TRPC3: variants seen among roughly 807,000 people sequenced by gnomAD.
TRPC3 encodes transient receptor potential cation channel subfamily C member 3.
Under a neutral mutation model 90.9 loss-of-function variants are expected in TRPC3, and 54 were observed. The ratio of observed to expected loss-of-function variants is 0.59; its 90% CI spans 0.48 to 0.75. The LOEUF (loss-of-function observed/expected upper bound fraction) is 0.75, where lower values mean the gene tolerates loss of function less well. TRPC3 is among the 30% of genes least tolerant of loss of function. The pLI is 0.00. For missense variants in TRPC3, 918 were observed against 1,194.5 expected, an observed-to-expected ratio of 0.77 and a Z score of 3.41; for synonymous variants, 424 against 450.9, an observed-to-expected ratio of 0.94 and a Z score of 0.75.
intron 10 of TRPC3, among the ~76,000 whole-genome samples, chr4:121,887,890 A>T (rs1728184435): frequency 6.6e-6 from 1 of 152,212 alleles, no homozygotes; most frequent in African/African-American, 2.4e-5. Context: ...TGAGAAAAAA[A>T]TCACGCCCAG....
intron 1 of TRPC3, among the ~76,000 whole-genome samples, chr4:121,950,371 C>T (rs1474658607): frequency 6.6e-6 from 1 of 152,306 alleles, no homozygotes; most frequent in East Asian, 1.9e-4. Context: ...GCTGCAGAAC[C>T]TCGGTCCCCA....
At chr4:121,939,420 C>G (rs1730231730) in intron 1 of TRPC3, among the ~76,000 whole-genome samples, 1 of 152,178 alleles carries the variant, frequency 6.6e-6, no homozygotes, top group African/African-American at 2.4e-5. Flanking sequence ...ATAAAGTGCT[C>G]TCATTATGCA....
chr4:121,910,014 C>T, intron 6 of TRPC3, 140 bp downstream of exon 6: 1 of 678,236 alleles, frequency 1.5e-6, no homozygotes, highest in South Asian at 1.9e-5. Context: ...TTGTAGGTTC[C>T]AAAGTTCATG....
In TRPC3 at chr4:121,951,068, G is replaced by C. The variant is rs1396690327; in HGVS notation, c.215+398C>G. Among the ~76,000 whole-genome samples the C allele has an allele frequency of 2.0e-5, 3 of 152,202 alleles. No homozygotes were observed. The highest frequency in any genetic ancestry group is 4.8e-5 in the African/African-American group (2 of 41,452). Reference sequence around the variant, plus strand: ...CATCTTCCCCTTCCTCGGCCTCCCTGGGTAAGCTCGGGACCCCGGGGTCCG... The same window carrying C: ...CATCTTCCCCTTCCTCGGCCTCCCTCGGTAAGCTCGGGACCCCGGGGTCCG... On this transcript the variant is annotated intron_variant, in intron 1 of 11. Transcript: ENST00000379645. This position sits in a 1 kb window ranked among gnomAD's most constrained non-coding sequence, Gnocchi z 4.4.
intron 3 of TRPC3, among the ~76,000 whole-genome samples, chr4:121,920,214 T>G (rs979109783): frequency 6.6e-6 from 1 of 152,116 alleles, no homozygotes; most frequent in African/African-American, 2.4e-5. Context: ...AAAATTTACC[T>G]TACAGACCCC....
At chr4:121,900,469 T>C (rs1190484924) in intron 9 of TRPC3, among the ~76,000 whole-genome samples, 1 of 152,206 alleles carries the variant, frequency 6.6e-6, no homozygotes, top group African/African-American at 2.4e-5. Flanking sequence ...TGTGGGATGC[T>C]AAGAGATAAG....
rs749497536 is a variant in TRPC3 at position 121,876,059 on chromosome 4, C to T, written c.*3677G>A. On this transcript the variant is annotated 3_prime_UTR_variant, in exon 12 of 12. Transcript: ENST00000379645. ...AACCACAGACACATGCCACCATGCC[C>T]GGCTAATTTTTTTTGTATTTTTTGT... Among the ~76,000 whole-genome samples the T allele has an allele frequency of 9.9e-5, 15 of 151,624 alleles. No homozygotes were observed. Among genetic ancestry groups the T allele is most frequent in the South Asian group, 6.3e-4 (3 of 4,790 alleles).
intron 3 of TRPC3, among the ~76,000 whole-genome samples, chr4:121,922,864 G>C (rs1276802628): frequency 1.3e-5 from 2 of 152,302 alleles, no homozygotes; most frequent in East Asian, 1.9e-4. Flanking sequence ...GGGCAATCTA[G>C]CCAATTTAAT....
intron 10 of TRPC3, among the ~76,000 whole-genome samples, chr4:121,899,407 C>T (rs953633837): frequency 6.6e-6 from 1 of 152,052 alleles, no homozygotes; most frequent in African/African-American, 2.4e-5. Context: ...AAGTCTCCTC[C>T]AACTAACATA....
chr4:121,913,998 A>G (rs906483318), intron 4 of TRPC3, among the ~76,000 whole-genome samples: 3 of 152,214 alleles, frequency 2.0e-5, no homozygotes, highest in African/African-American at 4.8e-5. Flanking sequence ...TTCAGAATAT[A>G]AAAACAGGAT....
Position 121,878,306 on chromosome 4 carries a change from A to T in TRPC3, c.*1430T>A, listed in dbSNP as rs4076212. ...CTTTATGTAGTTCCATTTAACACTT[A>T]TTTCTGTCTTCATGTCTAAAGAGCT... On this transcript the variant is annotated 3_prime_UTR_variant, in exon 12 of 12. Transcript: ENST00000379645. Among the ~76,000 whole-genome samples, 15,715 of 152,230 alleles carry T rather than the reference A, an allele frequency of 0.1. 1,097 individuals carry two copies. The highest frequency in any genetic ancestry group is 0.13 in the Non-Finnish European group (8,848 of 67,994).
chr4:121,930,472 A>G (rs964559052), intron 2 of TRPC3, among the ~76,000 whole-genome samples: 1 of 152,150 alleles, frequency 6.6e-6, no homozygotes, highest in Non-Finnish European at 1.5e-5. Context: ...AGCATTACCA[A>G]TATGGACTTA....
intron 10 of TRPC3, among the ~76,000 whole-genome samples, chr4:121,885,418 G>T (rs1728080104): frequency 6.6e-6 from 1 of 152,126 alleles, no homozygotes; most frequent in South Asian, 2.1e-4. Flanking sequence ...CTTTAACACA[G>T]TTGAGACTGT....
rs1377136579 is a variant in TRPC3 at position 121,951,196 on chromosome 4, C to A, written c.215+270G>T. ...GATGCTTGTCTGAAGTCAGTGTGCC[C>A]GCCTGCGGGCTGTTCCGTGTGCTTG... On this transcript the variant is annotated intron_variant, in intron 1 of 11. Transcript: ENST00000379645. The surrounding 1 kb of genome is among the most constrained non-coding windows in gnomAD (Gnocchi z 4.4). Among the ~76,000 whole-genome samples the A allele has an allele frequency of 6.6e-6, 1 of 152,196 alleles. No homozygotes were observed. The highest frequency in any genetic ancestry group is 2.4e-5 in the African/African-American group (1 of 41,462).
chr4:121,937,469 C>CA (rs1469519380), intron 1 of TRPC3, among the ~76,000 whole-genome samples: 2 of 152,160 alleles, frequency 1.3e-5, no homozygotes, highest in African/African-American at 4.8e-5. Context: ...ATTTGGTCTC[C>CA]AGGAAGCTAT....
intron 1 of TRPC3, among the ~76,000 whole-genome samples, chr4:121,940,448 G>A (rs1213329809): frequency 1.3e-5 from 2 of 152,174 alleles, no homozygotes; most frequent in Non-Finnish European, 2.9e-5. Flanking sequence ...GGAGCTACAC[G>A]TTGCTGCCCA....
At chr4:121,897,340 G>GA (rs988662321) in intron 10 of TRPC3, among the ~76,000 whole-genome samples, 5 of 148,874 alleles carry the variant, frequency 3.4e-5, no homozygotes, top group African/African-American at 1.2e-4. Flanking sequence ...ACCAACAAAG[G>GA]AAAAAACAAC....
At chr4:121,900,575 T>C (rs141769181) in intron 9 of TRPC3, among the ~76,000 whole-genome samples, 374 of 152,328 alleles carry the variant, frequency 2.5e-3, no homozygotes, top group African/African-American at 8.6e-3. Flanking sequence ...AATCGGCCAC[T>C]GGAGGCCAGT....
At chr4:121,936,784 A>G (rs139350339) in intron 1 of TRPC3, among the ~76,000 whole-genome samples, 1 of 152,152 alleles carries the variant, frequency 6.6e-6, no homozygotes, top group Admixed American at 6.5e-5. Context: ...GAAACCGAAC[A>G]TGCTGGCACC....
Sources: allele counts gnomAD v4.1 joint callset (sites outside exome capture counted in the v4.1 genomes callset), GRCh38; gene constraint gnomAD v4.1.1; non-coding constraint Gnocchi (gnomAD v3.1); transcripts MANE v1.5; gene names NCBI Gene and HGNC (gene_info 2026-07-23, HGNC 2026-07-21).